LRRK1: variants seen among roughly 807,000 people sequenced by gnomAD.
The protein encoded by LRRK1 is leucine-rich repeat serine/threonine-protein kinase 1.
In LRRK1, 113 loss-of-function variants were observed where a neutral mutation model predicts 209.1. The ratio of observed to expected loss-of-function variants is 0.54; its 90% CI spans 0.46 to 0.63. The LOEUF is 0.63. Ranked by LOEUF, LRRK1 falls within the 30% of genes least tolerant of loss-of-function variation. The pLI is 0.00. For missense variants in LRRK1, 2,284 were observed against 2,632.2 expected, an observed-to-expected ratio of 0.87 and a Z score of 2.89; for synonymous variants, 1,144 against 1,099.7, an observed-to-expected ratio of 1.04 and a Z score of -0.80.
intron 6 of LRRK1, among the ~76,000 whole-genome samples, chr15:100,996,714 A>C (rs1475453521): frequency 2.0e-5 from 3 of 152,214 alleles, no homozygotes; most frequent in Non-Finnish European, 4.4e-5. Context: ...AGAATAAGTG[A>C]AGGGGAACAG....
intron 3 of LRRK1, 73 bp downstream of exon 3, chr15:100,974,040 T>G: frequency 1.7e-6 from 2 of 1,182,694 alleles, no homozygotes; most frequent in Non-Finnish European, 2.1e-6. Flanking sequence ...CAGATGATTT[T>G]CTCGTTATTG....
In LRRK1 at chr15:100,919,437, C is replaced by A. The variant is rs1199186469; in HGVS notation, c.-137C>A. 6.7e-6 allele frequency: 1 copy of A among 148,972 alleles called. No homozygotes were observed. The highest frequency in any genetic ancestry group is 2.4e-5 in the African/African-American group (1 of 41,008). 9.2% of individuals were successfully genotyped at this position (148,972 alleles called of 1,614,324 possible). ...CGTCCCGGAGCGCCCGCACCCGGCCCCGCCGCCGCCTCAGGTAAGCGCCGC... is the reference window on the plus strand; with the variant it reads ...CGTCCCGGAGCGCCCGCACCCGGCCACGCCGCCGCCTCAGGTAAGCGCCGC... On this transcript the variant is annotated 5_prime_UTR_variant, in exon 1 of 34. Coordinates refer to ENST00000388948, the MANE Select transcript of LRRK1 (RefSeq NM_024652.6). This position sits in a 1 kb window ranked among gnomAD's most constrained non-coding sequence, Gnocchi z 5.8.
intron 2 of LRRK1, among the ~76,000 whole-genome samples, chr15:100,925,772 G>A (rs561130053): frequency 1.2e-4 from 18 of 152,258 alleles, no homozygotes; most frequent in African/African-American, 4.3e-4. Flanking sequence ...TTTTATTTCC[G>A]TTTTATAGCT....
chr15:100,962,643 A>T (rs927421576), intron 2 of LRRK1, among the ~76,000 whole-genome samples: 2 of 150,758 alleles, frequency 1.3e-5, no homozygotes, highest in African/African-American at 4.9e-5. Context: ...AGACAGGGAG[A>T]GGGAGGAGAA....
chr15:101,012,023 T>C lies in LRRK1; in HGVS notation c.1297T>C (p.Ser433Pro). 6.2e-7 allele frequency: 1 copy of C among 1,604,380 alleles called. No individual in the cohort carries two copies. The highest frequency in any genetic ancestry group is 8.5e-7 in the Non-Finnish European group (1 of 1,176,692). Residue 433 changes from serine (S) to proline (P), a missense_variant, in exon 10 of 34, where the codon TCC becomes CCC. Physicochemically the swap from Ser to Pro is moderately conservative, Grantham distance 74. Transcript: ENST00000388948. ...WACPLKCCKA[S>P]RNALECLPDK... ...AATCTCTTAGAAATGTTGTAAAGCT[T>C]CCAGAAATGCCCTGGAATGTCTGCC...
chr15:100,990,028 T>C (rs1167579594), intron 6 of LRRK1, among the ~76,000 whole-genome samples: 1 of 152,180 alleles, frequency 6.6e-6, no homozygotes, highest in Non-Finnish European at 1.5e-5. Flanking sequence ...ATGAATCTTC[T>C]GCCCTTGAAG....
At chr15:100,975,465 A>G (rs1050752405) in intron 3 of LRRK1, among the ~76,000 whole-genome samples, 4 of 152,184 alleles carry the variant, frequency 2.6e-5, no homozygotes, top group Admixed American at 6.5e-5. Flanking sequence ...AGGAAAACAG[A>G]GTCCAGGGTG....
At chr15:100,944,251 A>G (rs1477533526) in intron 2 of LRRK1, among the ~76,000 whole-genome samples, 1 of 152,204 alleles carries the variant, frequency 6.6e-6, no homozygotes, top group Non-Finnish European at 1.5e-5. Flanking sequence ...CACCATACAC[A>G]AGCAGGCTTC....
At chr15:101,030,642 C>A (rs1157624834) in intron 20 of LRRK1, among the ~76,000 whole-genome samples, 2 of 152,188 alleles carry the variant, frequency 1.3e-5, no homozygotes, top group Non-Finnish European at 2.9e-5. Context: ...GTACCCCTGA[C>A]ACCCACTCCT....
At chr15:100,956,252 T>C (rs1276350042) in intron 2 of LRRK1, among the ~76,000 whole-genome samples, 2 of 152,060 alleles carry the variant, frequency 1.3e-5, no homozygotes, top group Non-Finnish European at 2.9e-5. Flanking sequence ...ATCCATTTCT[T>C]CCAGGTTATC....
intron 20 of LRRK1, among the ~76,000 whole-genome samples, chr15:101,035,714 A>G (rs2034469713): frequency 6.6e-6 from 1 of 151,696 alleles, no homozygotes; most frequent in Non-Finnish European, 1.5e-5. Context: ...GGTTGTTTTT[A>G]TATATTCTTT....
At chr15:101,061,615 T>A (rs1381231310) in intron 30 of LRRK1, among the ~76,000 whole-genome samples, 1 of 152,168 alleles carries the variant, frequency 6.6e-6, no homozygotes, top group East Asian at 1.9e-4. Flanking sequence ...GTCACTCAGC[T>A]CTGAAGGCCT....
In LRRK1 at chr15:101,071,626, G is replaced by A. The variant is rs1190287407; in HGVS notation, c.*2778G>A. 6.6e-6 allele frequency: 1 copy of A among 152,148 alleles called. No homozygotes were observed. Among genetic ancestry groups the A allele is most frequent in the Non-Finnish European group, 1.5e-5 (1 of 68,038 alleles). The allele number at this position is 152,148 out of a possible 1,614,324, so 9.4% of individuals were successfully genotyped here. On this transcript the variant is annotated 3_prime_UTR_variant, in exon 34 of 34. Coordinates refer to ENST00000388948, the MANE Select transcript of LRRK1 (RefSeq NM_024652.6). ...GATGGTCTTGAACTCCTGAGCTCAG[G>A]TGATCCGCCCGCCTCATCCTCCCAA...
intron 20 of LRRK1, among the ~76,000 whole-genome samples, chr15:101,031,950 G>C (rs949358135): frequency 6.6e-6 from 1 of 152,144 alleles, no homozygotes; most frequent in Non-Finnish European, 1.5e-5. Context: ...TATCCAGGAT[G>C]GTCTCGATCT....
chr15:101,027,700 GGAC>G lies in LRRK1; in HGVS notation c.2597_2599del (p.Asp866del). ...TGGCAGAGCAGCAGCGCCGCAGCCG[GGAC>G]GACGACGTGCAGTACCTGACGGACA... is the stretch of plus-strand genomic sequence containing the variant. On this transcript the variant is annotated inframe_deletion, in exon 19 of 34. Transcript: ENST00000388948. This position sits in a 1 kb window ranked among gnomAD's most constrained non-coding sequence, Gnocchi z 5.1. 8.1e-6 allele frequency: 13 copies of G among 1,612,976 alleles called. No individual in the cohort carries two copies. The highest frequency in any genetic ancestry group is 1.1e-5 in the Non-Finnish European group (13 of 1,179,662).
Position 101,027,944 on chromosome 15 carries a change from C to T in LRRK1, c.2686+147C>T. 1.4e-6 allele frequency: 1 copy of T among 711,612 alleles called. No individual in the cohort carries two copies. Among genetic ancestry groups the T allele is most frequent in the Non-Finnish European group, 2.3e-6 (1 of 435,736 alleles). The allele number at this position is 711,612 out of a possible 1,614,324, so 44.1% of individuals were successfully genotyped here. On this transcript the variant is annotated intron_variant, in intron 19 of 33. Coordinates refer to ENST00000388948, the MANE Select transcript of LRRK1 (RefSeq NM_024652.6). The surrounding 1 kb of genome is among the most constrained non-coding windows in gnomAD (Gnocchi z 5.1). ...CCATCCCCCTCCCCTTCCTTCTTCC[C>T]TCTCACCCTTCTTTCCTTGGAGGGA... is the stretch of plus-strand genomic sequence containing the variant.
intron 1 of LRRK1, among the ~76,000 whole-genome samples, chr15:100,920,749 C>CTG (rs1319995392): frequency 1.3e-5 from 2 of 150,996 alleles, no homozygotes; most frequent in East Asian, 3.9e-4. Flanking sequence ...CAGCGTGCGT[C>CTG]TGTGTGTGTC....
chr15:100,950,554 G>T (rs2042624556), intron 2 of LRRK1, among the ~76,000 whole-genome samples: 1 of 152,074 alleles, frequency 6.6e-6, no homozygotes, highest in African/African-American at 2.4e-5. Context: ...AAGAAAACAG[G>T]ATTAAATCTT....
chr15:100,974,675 G>T (rs2031189857), intron 3 of LRRK1, among the ~76,000 whole-genome samples: 1 of 152,164 alleles, frequency 6.6e-6, no homozygotes, highest in Non-Finnish European at 1.5e-5. Context: ...ATGCTCTATT[G>T]AATGTTTTTG....
Sources: gnomAD v4.1 joint callset for allele counts (sites outside exome capture counted in the v4.1 genomes callset) on GRCh38, gnomAD v4.1.1 for gene constraint, Gnocchi (gnomAD v3.1) non-coding constraint, MANE v1.5 for transcripts, NCBI Gene and HGNC (gene_info 2026-07-23, HGNC 2026-07-21) for gene names.